Variants in RBKS observed in about 807,000 individuals in gnomAD.
RBKS encodes the protein ribokinase.
Under a neutral mutation model 33.9 loss-of-function variants are expected in RBKS, and 33 were observed. The ratio of observed to expected loss-of-function variants is 0.97; its 90% CI spans 0.74 to 1.30. The LOEUF (loss-of-function observed/expected upper bound fraction) is 1.30. Ranked by LOEUF, RBKS falls within the 50% of genes most tolerant of loss-of-function variation. The pLI is 0.00. For synonymous variants in RBKS, 125 were observed against 143.0 expected (o/e 0.87, Z 0.90); for missense variants, 361 against 392.6 (o/e 0.92, Z 0.68).
At chr2:27,867,353 TA>T in intron 1 of RBKS, among the ~76,000 whole-genome samples, 1 of 152,212 alleles carries the variant, frequency 6.6e-6, no homozygotes, top group East Asian at 1.9e-4. Flanking sequence ...AGGTACATAA[TA>T]AATAATACAA....
chr2:27,782,659 C>T, intron 7 of RBKS: 1 of 463,588 alleles, frequency 2.2e-6, no homozygotes, highest in Non-Finnish European at 4.5e-6. Context: ...AACATGACTT[C>T]TTACTGATGG....
At chr2:27,817,603 C>T (rs894678279) in intron 7 of RBKS, among the ~76,000 whole-genome samples, 2 of 152,186 alleles carry the variant, frequency 1.3e-5, no homozygotes, top group Admixed American at 6.5e-5. Context: ...AGGAAACTTA[C>T]AATCATGGTG....
intron 1 of RBKS, among the ~76,000 whole-genome samples, chr2:27,859,772 G>A (rs1280775187): frequency 6.6e-6 from 1 of 151,486 alleles, no homozygotes; most frequent in Non-Finnish European, 1.5e-5. Context: ...AGGCCACTGA[G>A]AACCTACACT....
chr2:27,890,342 C>T lies in RBKS; in HGVS notation c.4G>A (p.Ala2Thr), dbSNP rs1463646566. Residue 2 changes from alanine (A) to threonine (T), a missense_variant, in exon 1 of 8, where the codon GCG becomes ACG. By Grantham distance (58) the Ala-to-Thr change is moderately conservative. Coordinates refer to ENST00000302188, the MANE Select transcript of RBKS (RefSeq NM_022128.3). The surrounding 1 kb of genome is among the most constrained non-coding windows in gnomAD (Gnocchi z 4.8). M[A>T]ASGEPQRQWQ... The stretch of plus-strand genomic sequence containing the variant: ...TGCCTCTGGGGTTCCCCAGACGCCG[C>T]CATCGCTCAAAGGTGCTGCTGTCCA... 1.2e-6 allele frequency: 2 copies of T among 1,613,232 alleles called. No homozygotes were observed. Among genetic ancestry groups the T allele is most frequent in the Non-Finnish European group, 8.5e-7 (1 of 1,179,920 alleles).
intron 7 of RBKS, among the ~76,000 whole-genome samples, chr2:27,822,378 T>C (rs918098141): frequency 6.6e-6 from 1 of 152,140 alleles, no homozygotes; most frequent in South Asian, 2.1e-4. Context: ...AAGTTGGGAA[T>C]GATGGCCCCT....
chr2:27,825,165 T>A (rs975385613), intron 7 of RBKS, among the ~76,000 whole-genome samples: 3 of 152,062 alleles, frequency 2.0e-5, no homozygotes, highest in African/African-American at 7.2e-5. Flanking sequence ...ATTTTAGATA[T>A]TATCTCTTGA....
At chr2:27,805,986 G>A (rs1677889522) in intron 7 of RBKS, among the ~76,000 whole-genome samples, 1 of 151,424 alleles carries the variant, frequency 6.6e-6, no homozygotes, top group Non-Finnish European at 1.5e-5. Flanking sequence ...CAACCTCCTG[G>A]GCTCAAGTGA....
At chr2:27,862,720 G>A (rs1266021302) in intron 1 of RBKS, among the ~76,000 whole-genome samples, 1 of 152,192 alleles carries the variant, frequency 6.6e-6, no homozygotes, top group Non-Finnish European at 1.5e-5. Flanking sequence ...GTGCACTTAA[G>A]CCTCTGTCTT....
intron 5 of RBKS, among the ~76,000 whole-genome samples, chr2:27,841,079 C>A (rs757443797): frequency 6.6e-6 from 1 of 152,138 alleles, no homozygotes; most frequent in African/African-American, 2.4e-5. Context: ...TCACCTACCC[C>A]GCTTCCTGCT....
At chr2:27,872,183 G>A (rs1444892936) in intron 1 of RBKS, among the ~76,000 whole-genome samples, 1 of 152,112 alleles carries the variant, frequency 6.6e-6, no homozygotes, top group Non-Finnish European at 1.5e-5. Flanking sequence ...GTGGCCCAGG[G>A]GTTGGGGACC....
At chr2:27,840,540 TGTGTGTAA>T (rs1466493999) in intron 5 of RBKS, among the ~76,000 whole-genome samples, 6 of 151,980 alleles carry the variant, frequency 3.9e-5, no homozygotes, top group African/African-American at 1.2e-4. Flanking sequence ...TTCGTGTGTG[TGTGTGTAA>T]GTTCTATTGG....
intron 7 of RBKS, 111 bp from the exon 8 acceptor site, chr2:27,781,899 A>G: frequency 1.0e-6 from 1 of 970,318 alleles, no homozygotes; most frequent in Non-Finnish European, 1.5e-6. Flanking sequence ...ATTTACAGAA[A>G]AGGTACAAGG....
intron 7 of RBKS, among the ~76,000 whole-genome samples, chr2:27,785,219 A>G (rs73923909): frequency 0.013 from 1,957 of 152,336 alleles, 37 homozygotes; most frequent in African/African-American, 0.045. Flanking sequence ...ACAGGTTTTT[A>G]ATTTTATAAA....
chr2:27,853,898 T>C (rs1269656042), intron 2 of RBKS, among the ~76,000 whole-genome samples: 1 of 152,198 alleles, frequency 6.6e-6, no homozygotes, highest in Non-Finnish European at 1.5e-5. Context: ...TCAACAGAGT[T>C]CAGGAAAGGA....
chr2:27,888,784 G>A (rs1052566256), intron 1 of RBKS, among the ~76,000 whole-genome samples: 1 of 77,472 alleles, frequency 1.3e-5, no homozygotes, highest in Admixed American at 1.1e-4. Flanking sequence ...TTTAAAAAAT[G>A]TTGTTAAAAA....
intron 7 of RBKS, among the ~76,000 whole-genome samples, chr2:27,786,405 GC>G (rs1353801623): frequency 6.6e-6 from 1 of 152,198 alleles, no homozygotes; most frequent in Non-Finnish European, 1.5e-5. Flanking sequence ...AGACATTCTG[GC>G]ATTGCCGATA....
intron 6 of RBKS, among the ~76,000 whole-genome samples, chr2:27,828,296 C>CA (rs376004818): frequency 0.014 from 2,057 of 142,052 alleles, 12 homozygotes; most frequent in African/African-American, 0.019. Context: ...AGAAGTCTAC[C>CA]AAAAAAAAAA....
In RBKS at chr2:27,781,700, T is replaced by C. The variant is rs751018987; in HGVS notation, c.884A>G (p.Asn295Ser). The change falls in exon 8 of 8, where the codon AAT (asparagine) becomes AGT (serine). Residue 295 changes from asparagine to serine, a missense_variant. Transcript: ENST00000302188. ...CTGGACACTGACTGCTGCAATGAAA[T>C]TGGATCTGTTGAGCATGTCTTCCAA... ...LSLEDMLNRS[N>S]FIAAVSVQAA... is the part of the protein sequence containing the mutation. The C allele has an allele frequency of 1.2e-6, 2 of 1,613,998 alleles. No individual in the cohort carries two copies. Among genetic ancestry groups the C allele is most frequent in the Non-Finnish European group, 1.7e-6 (2 of 1,180,024 alleles).
intron 4 of RBKS, among the ~76,000 whole-genome samples, chr2:27,845,893 A>T (rs1663610794): frequency 6.6e-6 from 1 of 152,248 alleles, no homozygotes; most frequent in Non-Finnish European, 1.5e-5. Flanking sequence ...TGATTTAAAA[A>T]AACTTATGTA....
Sources: allele counts gnomAD v4.1 joint callset (sites outside exome capture counted in the v4.1 genomes callset), GRCh38; gene constraint gnomAD v4.1.1; non-coding constraint Gnocchi (gnomAD v3.1); transcripts MANE v1.5; gene names NCBI Gene and HGNC (gene_info 2026-07-23, HGNC 2026-07-21).